The following PCDHA1 variants were observed in gnomAD, a reference collection of about 807,000 sequenced individuals.
PCDHA1 encodes the protein protocadherin alpha 1.
A neutral mutation model predicts 61.3 loss-of-function variants in PCDHA1; 42 were observed. The ratio of observed to expected loss-of-function variants is 0.69; its 90% CI spans 0.54 to 0.89. PCDHA1 has a LOEUF of 0.89. Ranked by LOEUF, PCDHA1 falls within the 40% of genes least tolerant of loss-of-function variation. The pLI is 0.00. For synonymous variants in PCDHA1, 610 were observed against 553.8 expected (o/e 1.10, Z -1.43); for missense variants, 1,256 against 1,235.3 (o/e 1.02, Z -0.25).
chr5:140,851,315 T>C (rs2042026513), intron 1 of PCDHA1: 1 of 992,586 alleles, frequency 1.0e-6, no homozygotes, highest in African/African-American at 1.7e-5. Context: ...AATTGTTACC[T>C]TGTTAAGTTT....
chr5:140,836,350 A>G, intron 1 of PCDHA1: 1 of 1,613,636 alleles, frequency 6.2e-7, no homozygotes, highest in Non-Finnish European at 8.5e-7. Context: ...GACCACGGGG[A>G]GCCCTCGCTG....
At chr5:140,819,388 T>C (rs1251672675) in intron 1 of PCDHA1, among the ~76,000 whole-genome samples, 1 of 152,134 alleles carries the variant, frequency 6.6e-6, no homozygotes, top group Non-Finnish European at 1.5e-5. Context: ...TCTAAAGGCT[T>C]TTAGTGAATT....
In PCDHA1 at chr5:140,829,595, C is replaced by T. The variant is rs147522996; in HGVS notation, c.2394+40911C>T. ...GCTGGTGGAGCGGCGGGTGGGCGAG[C>T]GCGCGTTGTCGAGCTACATTTCGGT... On this transcript the variant is annotated intron_variant, in intron 1 of 3. Coordinates refer to ENST00000504120, the MANE Select transcript of PCDHA1 (RefSeq NM_018900.4). The T allele has an allele frequency of 1.5e-4, 239 of 1,611,886 alleles. 1 individual carries two copies. In the African/African-American group the frequency reaches 2.9e-3, roughly 20 times the overall value.
At chr5:140,814,345 G>C (rs2126654527) in intron 1 of PCDHA1, 1 of 151,438 alleles carries the variant, frequency 6.6e-6, no homozygotes, top group East Asian at 1.9e-4. Context: ...AGGTCTTCTG[G>C]GGCAGTTACA....
chr5:140,893,656 T>C (rs950016091), intron 1 of PCDHA1, among the ~76,000 whole-genome samples: 1 of 152,222 alleles, frequency 6.6e-6, no homozygotes. Flanking sequence ...CTGATAGTTT[T>C]AAAAAATTTC....
At chr5:140,880,509 T>G (rs754891409) in intron 1 of PCDHA1, among the ~76,000 whole-genome samples, 134 of 152,182 alleles carry the variant, frequency 8.8e-4, no homozygotes, top group Non-Finnish European at 1.6e-3. Flanking sequence ...TTCTGTTTGG[T>G]CACATCTCTC....
chr5:140,834,321 A>T (rs1412819527), intron 1 of PCDHA1: 1 of 1,440,210 alleles, frequency 6.9e-7, no homozygotes, highest in Non-Finnish European at 9.4e-7. Context: ...TGAAGGGATA[A>T]AAACATTCCT....
At chr5:140,817,887 CA>C (rs1647110871) in intron 1 of PCDHA1, among the ~76,000 whole-genome samples, 1 of 152,074 alleles carries the variant, frequency 6.6e-6, no homozygotes, top group Non-Finnish European at 1.5e-5. Context: ...TTATTTTTGC[CA>C]GCACTTTTAA....
At chr5:140,845,610 G>A (rs1779953371) in intron 1 of PCDHA1, among the ~76,000 whole-genome samples, 1 of 149,452 alleles carries the variant, frequency 6.7e-6, no homozygotes, top group Non-Finnish European at 1.5e-5. Context: ...ATTAAGTATT[G>A]TGGATTCTGA....
chr5:140,861,928 T>G (rs1225434437), intron 1 of PCDHA1: 1 of 154,028 alleles, frequency 6.5e-6, no homozygotes, highest in Non-Finnish European at 1.4e-5. Flanking sequence ...ATGTAAATGA[T>G]GATGCCCAGT....
chr5:140,837,159 G>C (rs2150273625), intron 1 of PCDHA1: 152,415 of 152,748 alleles, frequency 1, 76,046 homozygotes, highest in East Asian at 1. Flanking sequence ...ATAAAATATA[G>C]CTGTGTCAAA....
chr5:140,838,723 T>C (rs1554137164), intron 1 of PCDHA1, among the ~76,000 whole-genome samples: 3 of 151,910 alleles, frequency 2.0e-5, no homozygotes, highest in South Asian at 4.1e-4. Flanking sequence ...ATTGCTTCAG[T>C]CTAGTAGTTT....
At chr5:140,879,347 T>C (rs530902728) in intron 1 of PCDHA1, among the ~76,000 whole-genome samples, 44 of 152,324 alleles carry the variant, frequency 2.9e-4, no homozygotes, top group African/African-American at 1.0e-3. Context: ...GCTGAGAAGA[T>C]GACATTGCCA....
intron 1 of PCDHA1, chr5:140,829,654 G>C: frequency 6.2e-7 from 1 of 1,612,542 alleles, no homozygotes; most frequent in Non-Finnish European, 8.5e-7. Context: ...ACGCGCTGCA[G>C]CCGCTGGACC....
rs2150480213 is a variant in PCDHA1, at chr5:140,850,340, G to C, written c.2394+61656G>C. 0.013 allele frequency: 21,012 copies of C among 1,597,592 alleles called. 2,634 individuals are homozygous for C. The African/African-American group carries it at 0.2, about 15-fold the overall frequency. Reference sequence around the variant, plus strand: ...TTTCATACGAGCTGCAGCCAGAAACGGCCAGCGCGAGCATCCCGTTCCGCG... The same window carrying C: ...TTTCATACGAGCTGCAGCCAGAAACCGCCAGCGCGAGCATCCCGTTCCGCG... On this transcript the variant is annotated intron_variant, in intron 1 of 3. Coordinates refer to ENST00000504120, the MANE Select transcript of PCDHA1 (RefSeq NM_018900.4).
intron 1 of PCDHA1, chr5:140,969,509 C>A: frequency 7.1e-7 from 1 of 1,416,136 alleles, no homozygotes; most frequent in Non-Finnish European, 9.4e-7. Context: ...AAAAATAGCA[C>A]TAAAGAATTG....
chr5:140,927,159 C>T (rs782468229), intron 1 of PCDHA1: 2 of 1,614,164 alleles, frequency 1.2e-6, no homozygotes, highest in South Asian at 2.2e-5. Context: ...TGTGCAGGGC[C>T]AAAGCTGCCT....
At chr5:140,840,901 G>T (rs1776933352) in intron 1 of PCDHA1, among the ~76,000 whole-genome samples, 1 of 151,852 alleles carries the variant, frequency 6.6e-6, no homozygotes, top group African/African-American at 2.4e-5. Flanking sequence ...TGACATACAG[G>T]TCATACTTAA....
chr5:140,850,161 C>G, intron 1 of PCDHA1: 1 of 1,594,998 alleles, frequency 6.3e-7, no homozygotes, highest in Non-Finnish European at 8.6e-7. Context: ...GGTGTTCGTG[C>G]TGGACGAGAA....
Sources: allele counts gnomAD v4.1 joint callset (sites outside exome capture counted in the v4.1 genomes callset), GRCh38; gene constraint gnomAD v4.1.1; transcripts MANE v1.5; gene names NCBI Gene and HGNC (gene_info 2026-07-23, HGNC 2026-07-21).